THOP1: variants seen among roughly 807,000 people sequenced by gnomAD.
The protein encoded by THOP1 is thimet oligopeptidase.
Under a neutral mutation model 71.8 loss-of-function variants are expected in THOP1, and 49 were observed. The ratio of observed to expected loss-of-function variants is 0.68; its 90% CI spans 0.54 to 0.87. THOP1 has a LOEUF of 0.87. Ranked by LOEUF, THOP1 falls within the 40% of genes least tolerant of loss-of-function variation. The pLI is 0.00. For synonymous variants in THOP1, 426 were observed against 421.5 expected (o/e 1.01, Z -0.13); for missense variants, 843 against 975.6 (o/e 0.86, Z 1.81).
At position 2,801,825 on chromosome 19, in the gene THOP1, C is replaced by A. The variant is rs1916149862; in HGVS notation, c.589+2034C>A. ...ACCCAGGTCTCTCCTCCTCACAAAGCCCCAGGCCCTCTGCCACATTAACCC... is the reference window on the plus strand; with the variant it reads ...ACCCAGGTCTCTCCTCCTCACAAAGACCCAGGCCCTCTGCCACATTAACCC... On this transcript the variant is annotated intron_variant, in intron 5 of 12. Coordinates refer to ENST00000307741, the MANE Select transcript of THOP1 (RefSeq NM_003249.5). This position sits in a 1 kb window ranked among gnomAD's most constrained non-coding sequence, Gnocchi z 5.1. 1.3e-5 allele frequency among the ~76,000 whole-genome samples: 2 copies of A among 151,988 alleles called. No individual in the cohort carries two copies. The highest frequency in any genetic ancestry group is 4.8e-5 in the African/African-American group (2 of 41,352).
chr19:2,797,915 A>C (rs1916057142), intron 4 of THOP1, among the ~76,000 whole-genome samples: 1 of 152,218 alleles, frequency 6.6e-6, no homozygotes, highest in South Asian at 2.1e-4. Context: ...TGGGTTTGTC[A>C]GTGAAACCAG....
intron 1 of THOP1, among the ~76,000 whole-genome samples, chr19:2,789,594 A>T (rs1915830269): frequency 6.6e-6 from 1 of 152,146 alleles, no homozygotes; most frequent in Admixed American, 6.5e-5. Context: ...AGACAGAAGA[A>T]GGGACTCCTC....
At chr19:2,807,110 C>G (rs1443746209) in intron 7 of THOP1, 58 bp downstream of exon 7, 2 of 1,543,210 alleles carry the variant, frequency 1.3e-6, no homozygotes, top group African/African-American at 2.8e-5. Flanking sequence ...CAGGGTCACC[C>G]CAGGGGACAG....
chr19:2,809,196 A>G (rs1916391941), intron 9 of THOP1, among the ~76,000 whole-genome samples: 1 of 152,224 alleles, frequency 6.6e-6, no homozygotes, highest in Non-Finnish European at 1.5e-5. Context: ...TTTGGGTTCA[A>G]GACACCTTAC....
chr19:2,810,687 C>G lies in THOP1; in HGVS notation c.1690C>G (p.Leu564Val), dbSNP rs778490501. Reference sequence around the variant, plus strand: ...CGTCCTCGCCAAGGTGGACCAGGCCCTGCACACGCAGACGGACGCAGACCC... The same window carrying G: ...CGTCCTCGCCAAGGTGGACCAGGCCGTGCACACGCAGACGGACGCAGACCC... ...QIVLAKVDQALHTQTDADPAE... is the reference protein window; with the variant it reads ...QIVLAKVDQAVHTQTDADPAE... Residue 564 changes from leucine to valine, a missense_variant, in exon 11 of 13, where the codon CTG becomes GTG. Leu to Val is a conservative substitution (Grantham distance 32). Coordinates refer to ENST00000307741, the MANE Select transcript of THOP1 (RefSeq NM_003249.5). The G allele has an allele frequency of 6.4e-7, 1 of 1,570,910 alleles. No individual in the cohort carries two copies. The highest frequency in any genetic ancestry group is 2.3e-5 in the East Asian group (1 of 42,706).
chr19:2,793,976 G>A (rs527245919), intron 2 of THOP1, among the ~76,000 whole-genome samples: 2 of 152,014 alleles, frequency 1.3e-5, no homozygotes, highest in South Asian at 4.2e-4. Flanking sequence ...GGAGTCTTGG[G>A]GGTCATGGGA....
intron 2 of THOP1, among the ~76,000 whole-genome samples, chr19:2,791,287 CAG>C (rs1197746933): frequency 6.6e-6 from 1 of 152,208 alleles, no homozygotes; most frequent in Non-Finnish European, 1.5e-5. Context: ...CCAAGAGACC[CAG>C]AGAGTCTCCG....
intron 1 of THOP1, among the ~76,000 whole-genome samples, chr19:2,788,949 C>T (rs893681075): frequency 4.6e-5 from 7 of 152,110 alleles, no homozygotes; most frequent in African/African-American, 9.7e-5. Context: ...TTAGTAGAGA[C>T]GGGGTTTCAC....
At chr19:2,795,986 G>T in intron 3 of THOP1, 95 bp from the exon 4 acceptor site, 1 of 906,144 alleles carries the variant, frequency 1.1e-6, no homozygotes, top group Non-Finnish European at 1.8e-6. Flanking sequence ...AGTCACACGG[G>T]GGCCGGATGA....
rs1384393330 is a variant in THOP1, at chr19:2,813,312, TCCCGCCGC to T, written c.*39_*46del. The T allele has an allele frequency of 6.4e-7, 1 of 1,565,820 alleles. No homozygotes were observed. Among genetic ancestry groups the T allele is most frequent in the African/African-American group, 1.4e-5 (1 of 73,880 alleles). On this transcript the variant is annotated 3_prime_UTR_variant, in exon 13 of 13. Transcript: ENST00000307741. ...TGCGACTGCCCAGTCTGGCCTGCGC[TCCCGCCGC>T]CCTGGTGCCTTAGCCCCCGGCACAG...
At chr19:2,812,206 AC>A in intron 12 of THOP1, 1 of 1,510,504 alleles carries the variant, frequency 6.6e-7, no homozygotes, top group Non-Finnish European at 8.8e-7. Context: ...CAGTTTCCTC[AC>A]TATGAAGTGC....
At chr19:2,796,640 C>G in intron 4 of THOP1, among the ~76,000 whole-genome samples, 1 of 135,100 alleles carries the variant, frequency 7.4e-6, no homozygotes, top group African/African-American at 2.8e-5. Context: ...GGGGAGTGCT[C>G]AGTTGCGGGG....
In THOP1 at chr19:2,810,714, G is replaced by A. The variant is rs141596601; in HGVS notation, c.1717G>A (p.Ala573Thr). 7.7e-5 allele frequency: 123 copies of A among 1,590,180 alleles called. No individual in the cohort carries two copies. Among genetic ancestry groups the A allele is most frequent in the Non-Finnish European group, 6.5e-5 (76 of 1,168,640 alleles). ...GCACACGCAGACGGACGCAGACCCC[G>A]CCGAGGAGTATGCGCGGCTCTGCCA... ...ALHTQTDADP[A>T]EEYARLCQEI... Residue 573 changes from alanine (A) to threonine (T), a missense_variant, in exon 11 of 13, where the codon GCC (alanine) becomes ACC (threonine). Ala to Thr is a moderately conservative substitution (Grantham distance 58). Transcript: ENST00000307741.
At chr19:2,786,506 G>T (rs1915746178) in intron 1 of THOP1, among the ~76,000 whole-genome samples, 1 of 152,050 alleles carries the variant, frequency 6.6e-6, no homozygotes, top group African/African-American at 2.4e-5. Flanking sequence ...CCAAAGTGCT[G>T]GGATTACAGA....
chr19:2,813,277 G>A lies in THOP1; in HGVS notation c.*1G>A, dbSNP rs779730122. 5.0e-6 allele frequency: 8 copies of A among 1,607,218 alleles called. No individual in the cohort carries two copies. The highest frequency in any genetic ancestry group is 2.7e-5 in the African/African-American group (2 of 74,830). ...CGAGCCCGAGCCGCAGGTCTGCTGA[G>A]GCCTGGCACTGCGACTGCCCAGTCT... On this transcript the variant is annotated 3_prime_UTR_variant, in exon 13 of 13. Transcript: ENST00000307741.
chr19:2,801,633 A>G lies in THOP1; in HGVS notation c.589+1842A>G, dbSNP rs1015597843. On this transcript the variant is annotated intron_variant, in intron 5 of 12. Coordinates refer to ENST00000307741, the MANE Select transcript of THOP1 (RefSeq NM_003249.5). The surrounding 1 kb of genome is among the most constrained non-coding windows in gnomAD (Gnocchi z 5.1). ...TGCTTACAACAGAAAACCTAAGGCC[A>G]TGTAGTTTATAAGAAAAGGAATTAA... 6.6e-6 allele frequency among the ~76,000 whole-genome samples: 1 copy of G among 152,182 alleles called. No homozygotes were observed. The highest frequency in any genetic ancestry group is 2.4e-5 in the African/African-American group (1 of 41,444).
chr19:2,792,770 C>G (rs1915917256), intron 2 of THOP1, among the ~76,000 whole-genome samples: 1 of 151,862 alleles, frequency 6.6e-6, no homozygotes, highest in South Asian at 2.1e-4. Flanking sequence ...CCTCCTGCCT[C>G]AGCCTTCTAA....
At chr19:2,807,379 G>T in intron 7 of THOP1, 63 bp from the exon 8 acceptor site, 1 of 1,497,874 alleles carries the variant, frequency 6.7e-7, no homozygotes, top group South Asian at 1.3e-5. Flanking sequence ...CCGCGGGCGG[G>T]CGAGCCCAGA....
rs777819244 is a variant in THOP1, at chr19:2,796,132, C to T, written c.430C>T (p.Arg144Trp). ...LRPEAARYLE[R>W]LIKLGRRNGL... is the part of the protein sequence containing the mutation. ...GCCCGAGGCTGCGCGGTACCTGGAG[C>T]GGCTAATCAAGCTGGGCCGGAGAAA... Residue 144 changes from arginine to tryptophan, a missense_variant, in exon 4 of 13, where the codon CGG becomes TGG. Coordinates refer to ENST00000307741, the MANE Select transcript of THOP1 (RefSeq NM_003249.5). 7 of 1,613,756 alleles carry T rather than the reference C, an allele frequency of 4.3e-6. No individual in the cohort carries two copies. Among genetic ancestry groups the T allele is most frequent in the African/African-American group, 2.7e-5 (2 of 74,892 alleles).
Sources: allele counts gnomAD v4.1 joint callset (sites outside exome capture counted in the v4.1 genomes callset), GRCh38; gene constraint gnomAD v4.1.1; non-coding constraint Gnocchi (gnomAD v3.1); transcripts MANE v1.5; gene names NCBI Gene and HGNC (gene_info 2026-07-23, HGNC 2026-07-21).